Variants in RGS7BP observed in about 807,000 individuals in gnomAD.
The protein encoded by RGS7BP is regulator of G protein signaling 7 binding protein, also known as regulator of G protein signaling 7-binding protein.
RGS7BP carries 9 observed loss-of-function variants against 31.3 expected under a neutral mutation model. The observed-to-expected ratio is 0.29, with a 90% CI of 0.17 to 0.50. RGS7BP has a LOEUF of 0.50. Ranked by LOEUF, RGS7BP falls within the 20% of genes least tolerant of loss-of-function variation. RGS7BP has a pLI of 0.98. For missense variants in RGS7BP, 274 were observed against 322.0 expected (o/e 0.85, Z 1.14); for synonymous variants, 115 against 120.1 (o/e 0.96, Z 0.28).
chr5:64,560,821 TA>T (rs1245561692), intron 2 of RGS7BP, among the ~76,000 whole-genome samples: 1 of 152,144 alleles, frequency 6.6e-6, no homozygotes, highest in Non-Finnish European at 1.5e-5. Flanking sequence ...ACATTCCCAG[TA>T]AAATGATAAG....
chr5:64,538,546 CTTTTTTTT>C (rs1191560944), intron 2 of RGS7BP, among the ~76,000 whole-genome samples: 2 of 40,036 alleles, frequency 5.0e-5, no homozygotes, highest in African/African-American at 1.1e-4. Context: ...TTTTCCTTTT[CTTTTTTTT>C]TTTTTTTTTT....
intron 3 of RGS7BP, among the ~76,000 whole-genome samples, chr5:64,584,185 T>C (rs1239297245): frequency 1.3e-5 from 2 of 152,224 alleles, no homozygotes; most frequent in African/African-American, 2.4e-5. Flanking sequence ...AATTCTATCT[T>C]ATTTAATGAT....
At chr5:64,592,656 C>T (rs2111952229) in intron 3 of RGS7BP, among the ~76,000 whole-genome samples, 1 of 152,204 alleles carries the variant, frequency 6.6e-6, no homozygotes, top group South Asian at 2.1e-4. Context: ...GTCTGGACCT[C>T]AGGACAAGGA....
At chr5:64,555,418 C>T (rs1251339497) in intron 2 of RGS7BP, among the ~76,000 whole-genome samples, 1 of 152,036 alleles carries the variant, frequency 6.6e-6, no homozygotes, top group Non-Finnish European at 1.5e-5. Context: ...CATAGTTGAA[C>T]CTGTTGATCT....
intron 4 of RGS7BP, among the ~76,000 whole-genome samples, chr5:64,597,201 G>C (rs190035799): frequency 7.4e-4 from 113 of 152,140 alleles, no homozygotes; most frequent in Non-Finnish European, 1.3e-3. Context: ...ATTGTCCCAA[G>C]GGTTTCAAAA....
intron 2 of RGS7BP, among the ~76,000 whole-genome samples, chr5:64,534,443 C>T (rs959345823): frequency 6.6e-6 from 1 of 152,180 alleles, no homozygotes; most frequent in Non-Finnish European, 1.5e-5. Flanking sequence ...TAGAGGAATT[C>T]GTCCCTTGGG....
intron 2 of RGS7BP, among the ~76,000 whole-genome samples, chr5:64,557,501 T>C (rs143801876): frequency 1.8e-4 from 27 of 152,324 alleles, no homozygotes; most frequent in African/African-American, 5.1e-4. Context: ...TCTACTTTTT[T>C]GCTGAGACTT....
intron 3 of RGS7BP, among the ~76,000 whole-genome samples, chr5:64,577,099 C>T (rs547518897): frequency 6.6e-6 from 1 of 152,148 alleles, no homozygotes; most frequent in South Asian, 2.1e-4. Flanking sequence ...ATCAAATAAG[C>T]ATTGCAATTT....
At chr5:64,537,777 C>T (rs1225015162) in intron 2 of RGS7BP, among the ~76,000 whole-genome samples, 2 of 152,174 alleles carry the variant, frequency 1.3e-5, no homozygotes, top group Non-Finnish European at 2.9e-5. Flanking sequence ...AGGGAAGAGT[C>T]TGTCATATGA....
At chr5:64,586,497 T>C (rs1455110926) in intron 3 of RGS7BP, among the ~76,000 whole-genome samples, 1 of 152,234 alleles carries the variant, frequency 6.6e-6, no homozygotes, top group Admixed American at 6.5e-5. Context: ...ATAACTTAGA[T>C]AACTTATGAA....
rs148151103 is a variant in RGS7BP at position 64,586,916 on chromosome 5, A to G, written c.464-7794A>G. ...CATGTAATGAAAGGAATAAATCCAT[A>G]CTAGTTCATGTATTTGTCAGGGTAG... is the stretch of plus-strand genomic sequence containing the variant. On this transcript the variant is annotated intron_variant, in intron 3 of 5. Transcript: ENST00000334025. Among the ~76,000 whole-genome samples, 285 of 152,262 alleles carry G rather than the reference A, an allele frequency of 1.9e-3. 3 individuals are homozygous for G. Among genetic ancestry groups the G allele is most frequent in the African/African-American group, 6.6e-3 (274 of 41,544 alleles).
intron 3 of RGS7BP, among the ~76,000 whole-genome samples, chr5:64,590,979 G>A (rs1367582628): frequency 6.6e-6 from 1 of 151,914 alleles, no homozygotes; most frequent in African/African-American, 2.4e-5. Context: ...TTATAGAACT[G>A]AACATTTCAA....
At chr5:64,581,154 A>G (rs1742586397) in intron 3 of RGS7BP, among the ~76,000 whole-genome samples, 2 of 152,090 alleles carry the variant, frequency 1.3e-5, no homozygotes, top group African/African-American at 4.8e-5. Context: ...CAGAGACTGT[A>G]GCGAGCCAAG....
intron 2 of RGS7BP, among the ~76,000 whole-genome samples, chr5:64,533,939 GA>G (rs1749439364): frequency 6.6e-6 from 1 of 152,212 alleles, no homozygotes; most frequent in Non-Finnish European, 1.5e-5. Context: ...ATTTCTGCCA[GA>G]GGGGACATAT....
chr5:64,574,191 A>G lies in RGS7BP; in HGVS notation c.333-1583A>G, dbSNP rs114466884. On this transcript the variant is annotated intron_variant, in intron 2 of 5. Coordinates refer to ENST00000334025, the MANE Select transcript of RGS7BP (RefSeq NM_001029875.3). ...AACCATTAATGCCCATTATCTGTTC[A>G]GAATCTAGCAGGTCCATGAGGGAAT... Among the ~76,000 whole-genome samples the G allele has an allele frequency of 5.0e-3, 758 of 152,326 alleles. 7 individuals carry two copies. The highest frequency in any genetic ancestry group is 0.014 in the African/African-American group (589 of 41,584).
chr5:64,542,052 T>C (rs1741539796), intron 2 of RGS7BP, among the ~76,000 whole-genome samples: 1 of 152,252 alleles, frequency 6.6e-6, no homozygotes, highest in Non-Finnish European at 1.5e-5. Context: ...ACAGCGCTAT[T>C]TTTTAAAATA....
intron 3 of RGS7BP, among the ~76,000 whole-genome samples, chr5:64,590,901 G>T (rs1421833426): frequency 6.6e-6 from 1 of 152,044 alleles, no homozygotes; most frequent in African/African-American, 2.4e-5. Context: ...GGGGCAATTG[G>T]CTCTTCATTT....
intron 2 of RGS7BP, among the ~76,000 whole-genome samples, chr5:64,525,386 G>A (rs1196863015): frequency 3.3e-5 from 5 of 152,142 alleles, no homozygotes; most frequent in Admixed American, 6.5e-5. Flanking sequence ...TTTTGTTGTG[G>A]TTTTAGACTT....
intron 2 of RGS7BP, among the ~76,000 whole-genome samples, chr5:64,538,799 AC>A (rs1360626759): frequency 1.3e-5 from 2 of 150,690 alleles, no homozygotes; most frequent in Non-Finnish European, 3.0e-5. Context: ...CAAGTGATCC[AC>A]CCACCTTTGT....
Sources: allele counts gnomAD v4.1 joint callset (sites outside exome capture counted in the v4.1 genomes callset), GRCh38; gene constraint gnomAD v4.1.1; transcripts MANE v1.5; gene names NCBI Gene and HGNC (gene_info 2026-07-23, HGNC 2026-07-21).